Variants in ADAMTS3 observed in about 807,000 individuals in gnomAD.
ADAMTS3 encodes ADAM metallopeptidase with thrombospondin type 1 motif 3.
Under a neutral mutation model 129.0 loss-of-function variants are expected in ADAMTS3, and 73 were observed. The ratio of observed to expected loss-of-function variants is 0.57; its 90% CI spans 0.47 to 0.69. The LOEUF is 0.69. Among genes scored for constraint, ADAMTS3 ranks in the 30% least tolerant of loss-of-function variants. The pLI is 0.00. For synonymous variants in ADAMTS3, 477 were observed against 510.8 expected (o/e 0.93, Z 0.89); for missense variants, 1,457 against 1,514.5 (o/e 0.96, Z 0.63).
intron 4 of ADAMTS3, among the ~76,000 whole-genome samples, chr4:72,405,460 C>G (rs1392446007): frequency 6.6e-6 from 1 of 151,992 alleles, no homozygotes; most frequent in African/African-American, 2.4e-5. Flanking sequence ...TTAAAAAAAA[C>G]AGATTTGTAA....
intron 4 of ADAMTS3, among the ~76,000 whole-genome samples, chr4:72,348,447 T>C (rs1214436293): frequency 6.6e-6 from 1 of 151,866 alleles, no homozygotes; most frequent in Non-Finnish European, 1.5e-5. Context: ...CAGAAAGAGG[T>C]TGTATGATAT....
chr4:72,309,602 T>C (rs1719177912), intron 14 of ADAMTS3, 82 bp from the exon 15 acceptor site: 1 of 1,521,058 alleles, frequency 6.6e-7, no homozygotes, highest in Non-Finnish European at 9.0e-7. Flanking sequence ...GAACCCTTTG[T>C]TCAGTCATGG....
intron 3 of ADAMTS3, among the ~76,000 whole-genome samples, chr4:72,533,140 A>T (rs543916585): frequency 7.9e-5 from 12 of 152,186 alleles, no homozygotes; most frequent in Non-Finnish European, 1.6e-4. Context: ...CACATTGTAC[A>T]TCTGTATAAA....
At chr4:72,290,472 A>C (rs1031246643) in intron 20 of ADAMTS3, among the ~76,000 whole-genome samples, 4 of 152,156 alleles carry the variant, frequency 2.6e-5, no homozygotes, top group African/African-American at 9.7e-5. Context: ...AACAGTGTGA[A>C]GTTTACTCGA....
At chr4:72,313,584 A>T in intron 12 of ADAMTS3, 93 bp downstream of exon 12, 1 of 1,350,310 alleles carries the variant, frequency 7.4e-7, no homozygotes, top group Non-Finnish European at 1.0e-6. Context: ...CCTGTGTTTT[A>T]CATGCACTTT....
chr4:72,450,311 T>C lies in ADAMTS3; in HGVS notation c.505-35340A>G, dbSNP rs563052615. Among the ~76,000 whole-genome samples, 10 of 151,740 alleles carry C rather than the reference T, an allele frequency of 6.6e-5. No homozygotes were observed. In the South Asian group the frequency reaches 1.9e-3, roughly 28 times the overall value. On this transcript the variant is annotated intron_variant, in intron 3 of 21. Coordinates refer to ENST00000286657, the MANE Select transcript of ADAMTS3 (RefSeq NM_014243.3). ...AACGGTACAATTGCCTTCGTGGTCA[T>C]AAGTATGCTCCAGGAGCCACATGGC...
chr4:72,569,119 C>T lies in ADAMTS3; in HGVS notation c.-357G>A. 1 of 308,954 alleles carries T rather than the reference C, an allele frequency of 3.2e-6. No individual in the cohort carries two copies. Among genetic ancestry groups the T allele is most frequent in the Non-Finnish European group, 6.0e-6 (1 of 165,634 alleles). 19.1% of individuals were successfully genotyped at this position (308,954 alleles called of 1,614,324 possible). A position where few individuals can be genotyped will look rare whatever the true frequency, so the allele number is the denominator to read the frequency against. ...CAGCTTTTTCGAGGCTTTTCGAGCACCATTGGTCCCTAAGGTTAGCGCGGA... is the reference window on the plus strand; with the variant it reads ...CAGCTTTTTCGAGGCTTTTCGAGCATCATTGGTCCCTAAGGTTAGCGCGGA... On this transcript the variant is annotated 5_prime_UTR_variant, in exon 1 of 22. It adds an upstream start codon to the 5' untranslated region. Transcript: ENST00000286657.
At chr4:72,288,961 CACACACAA>C in intron 20 of ADAMTS3, 93 bp from the exon 21 acceptor site, 1 of 758,582 alleles carries the variant, frequency 1.3e-6, no homozygotes, top group Non-Finnish European at 2.3e-6. Flanking sequence ...CACACACACA[CACACACAA>C]AGACACAGAG....
rs553758806 is a variant in ADAMTS3, at chr4:72,557,479, G to A, written c.98-8595C>T. On this transcript the variant is annotated intron_variant, in intron 2 of 21. Transcript: ENST00000286657. ...TCTAGGCTCTTATCACCACAAGTCCGACACCCTCTTTGGTGTGTCTTTTAT... is the reference window on the plus strand; with the variant it reads ...TCTAGGCTCTTATCACCACAAGTCCAACACCCTCTTTGGTGTGTCTTTTAT... Among the ~76,000 whole-genome samples the A allele has an allele frequency of 2.9e-4, 44 of 151,874 alleles. 2 individuals are homozygous for A. The South Asian group carries it at 7.7e-3, about 26-fold the overall frequency.
intron 3 of ADAMTS3, among the ~76,000 whole-genome samples, chr4:72,496,857 T>C (rs1003168515): frequency 2.0e-5 from 3 of 152,032 alleles, no homozygotes; most frequent in African/African-American, 7.2e-5. Context: ...TCAAATACAC[T>C]TAAAACTGAC....
chr4:72,513,726 G>C (rs1000632401), intron 3 of ADAMTS3, among the ~76,000 whole-genome samples: 3 of 151,844 alleles, frequency 2.0e-5, no homozygotes, highest in Non-Finnish European at 4.4e-5. Flanking sequence ...TTTTCCTGCA[G>C]TTTTTTTACA....
intron 3 of ADAMTS3, among the ~76,000 whole-genome samples, chr4:72,533,678 TGCAC>T (rs1721111903): frequency 3.6e-5 from 5 of 138,648 alleles, no homozygotes; most frequent in Non-Finnish European, 8.2e-5. Context: ...TGCACATATA[TGCAC>T]ACATGTATAT....
At chr4:72,296,756 C>G (rs773045891) in intron 18 of ADAMTS3, among the ~76,000 whole-genome samples, 13 of 151,972 alleles carry the variant, frequency 8.6e-5, no homozygotes, top group Non-Finnish European at 1.6e-4. Context: ...GTGCTATTAT[C>G]TAACATACAG....
chr4:72,287,000 C>T (rs1371056049), intron 21 of ADAMTS3, among the ~76,000 whole-genome samples: 1 of 151,922 alleles, frequency 6.6e-6, no homozygotes, highest in Non-Finnish European at 1.5e-5. Context: ...AATGTGTGCC[C>T]CCAAAATTCC....
At chr4:72,371,879 C>G (rs1376022156) in intron 4 of ADAMTS3, among the ~76,000 whole-genome samples, 1 of 147,214 alleles carries the variant, frequency 6.8e-6, no homozygotes, top group Non-Finnish European at 1.5e-5. Context: ...TCATGCTGGG[C>G]CATAAAGCAA....
At chr4:72,293,483 T>A (rs536492066) in intron 19 of ADAMTS3, among the ~76,000 whole-genome samples, 1 of 152,284 alleles carries the variant, frequency 6.6e-6, no homozygotes, top group Non-Finnish European at 1.5e-5. Context: ...GTGAGATCGC[T>A]TTAGAAACCT....
intron 21 of ADAMTS3, among the ~76,000 whole-genome samples, chr4:72,286,557 A>G (rs1205584209): frequency 6.6e-6 from 1 of 152,202 alleles, no homozygotes; most frequent in Non-Finnish European, 1.5e-5. Flanking sequence ...TGCTTTGCCA[A>G]TTTTCTTGAC....
At chr4:72,515,051 G>C (rs1720425967) in intron 3 of ADAMTS3, among the ~76,000 whole-genome samples, 1 of 151,650 alleles carries the variant, frequency 6.6e-6, no homozygotes. Flanking sequence ...TGTTCTCATT[G>C]TTCAATGCCC....
At chr4:72,297,599 A>G (rs1718841364) in intron 18 of ADAMTS3, among the ~76,000 whole-genome samples, 1 of 152,098 alleles carries the variant, frequency 6.6e-6, no homozygotes, top group Non-Finnish European at 1.5e-5. Context: ...GGAGAAATTG[A>G]GAGACATTAA....
Sources: gnomAD v4.1 joint callset for allele counts (sites outside exome capture counted in the v4.1 genomes callset) on GRCh38, gnomAD v4.1.1 for gene constraint, MANE v1.5 for transcripts, NCBI Gene and HGNC (gene_info 2026-07-23, HGNC 2026-07-21) for gene names.